SUPT3H: variants seen among roughly 807,000 people sequenced by gnomAD.
SUPT3H encodes SPT3 homolog, SAGA and STAGA complex component.
In SUPT3H, 44 loss-of-function variants were observed where a neutral mutation model predicts 44.3. The observed-to-expected ratio is 0.99, with a 90% CI of 0.78 to 1.28. The LOEUF is 1.28. SUPT3H is among the 50% of genes most tolerant of loss of function. The pLI, the probability that SUPT3H is intolerant of heterozygous loss-of-function variation, is 0.00. For synonymous variants in SUPT3H, 124 were observed against 125.6 expected (o/e 0.99, Z 0.09); for missense variants, 380 against 387.1 (o/e 0.98, Z 0.15).
intron 2 of SUPT3H, among the ~76,000 whole-genome samples, chr6:45,154,044 T>C (rs1312172031): frequency 1.7e-5 from 2 of 116,092 alleles, no homozygotes; most frequent in African/African-American, 6.4e-5. Context: ...CACTACAGCC[T>C]GGGCAACAGA....
At chr6:44,856,636 C>T (rs1218206622) in intron 10 of SUPT3H, among the ~76,000 whole-genome samples, 1 of 152,174 alleles carries the variant, frequency 6.6e-6, no homozygotes, top group Non-Finnish European at 1.5e-5. Context: ...TTCAAATACT[C>T]ACATAGCAAT....
At chr6:44,915,599 G>A (rs1268465982) in intron 10 of SUPT3H, among the ~76,000 whole-genome samples, 1 of 152,096 alleles carries the variant, frequency 6.6e-6, no homozygotes, top group Non-Finnish European at 1.5e-5. Flanking sequence ...CAGACCTTAA[G>A]TCTGATAAGA....
At chr6:45,370,114 A>C (rs1795804471) in intron 1 of SUPT3H, among the ~76,000 whole-genome samples, 1 of 152,252 alleles carries the variant, frequency 6.6e-6, no homozygotes, top group Non-Finnish European at 1.5e-5. Context: ...AGCTGGGAGA[A>C]TATACTATAT....
chr6:45,071,556 G>A (rs1794387813), intron 3 of SUPT3H, among the ~76,000 whole-genome samples: 1 of 152,178 alleles, frequency 6.6e-6, no homozygotes, highest in Non-Finnish European at 1.5e-5. Flanking sequence ...GATATTATAT[G>A]TTCACATGTC....
chr6:45,113,000 A>G (rs1379330602), intron 2 of SUPT3H, among the ~76,000 whole-genome samples: 2 of 131,492 alleles, frequency 1.5e-5, no homozygotes, highest in East Asian at 2.3e-4. Flanking sequence ...GTTTTTTTGG[A>G]TGTTTTCCTA....
chr6:45,154,589 T>C (rs1209317296), intron 2 of SUPT3H, among the ~76,000 whole-genome samples: 3 of 152,194 alleles, frequency 2.0e-5, no homozygotes, highest in Non-Finnish European at 4.4e-5. Context: ...ACAACTTTTG[T>C]TCACAGTGAA....
chr6:45,062,472 T>G (rs1792276075), intron 3 of SUPT3H, among the ~76,000 whole-genome samples: 1 of 152,060 alleles, frequency 6.6e-6, no homozygotes, highest in African/African-American at 2.4e-5. Context: ...GATGGCCGAA[T>G]AGGAACAGCT....
At chr6:44,884,911 C>G (rs1778887651) in intron 10 of SUPT3H, among the ~76,000 whole-genome samples, 1 of 152,150 alleles carries the variant, frequency 6.6e-6, no homozygotes, top group Admixed American at 6.5e-5. Context: ...CACTCCCACC[C>G]TAATACTGCG....
chr6:45,323,510 A>G (rs1478070779), intron 2 of SUPT3H, among the ~76,000 whole-genome samples: 2 of 152,050 alleles, frequency 1.3e-5, no homozygotes, highest in Non-Finnish European at 2.9e-5. Context: ...AGCAAGAAAA[A>G]CAATTACTTG....
At chr6:44,963,517 C>A (rs1399581922) in intron 6 of SUPT3H, among the ~76,000 whole-genome samples, 1 of 152,072 alleles carries the variant, frequency 6.6e-6, no homozygotes, top group African/African-American at 2.4e-5. Flanking sequence ...AACAACCACA[C>A]AACCACGTCT....
chr6:45,335,855 G>A (rs1290351169), intron 2 of SUPT3H, among the ~76,000 whole-genome samples: 1 of 151,252 alleles, frequency 6.6e-6, no homozygotes, highest in Non-Finnish European at 1.5e-5. Flanking sequence ...AATCTGTAAA[G>A]CATTTCGGTA....
At chr6:45,002,992 C>T (rs1194840089) in intron 6 of SUPT3H, among the ~76,000 whole-genome samples, 2 of 152,018 alleles carry the variant, frequency 1.3e-5, no homozygotes, top group Non-Finnish European at 2.9e-5. Flanking sequence ...AAAATACTGT[C>T]TTGTAATTTG....
At chr6:45,348,639 C>T (rs1162707193) in intron 2 of SUPT3H, among the ~76,000 whole-genome samples, 1 of 146,186 alleles carries the variant, frequency 6.8e-6, no homozygotes, top group Non-Finnish European at 1.5e-5. Context: ...CCCACCACTG[C>T]ACTCCAGCCT....
At chr6:45,162,120 A>C (rs1187131197) in intron 2 of SUPT3H, among the ~76,000 whole-genome samples, 1 of 152,140 alleles carries the variant, frequency 6.6e-6, no homozygotes, top group African/African-American at 2.4e-5. Flanking sequence ...ACATTCCCCA[A>C]CCTGACAGGC....
intron 2 of SUPT3H, among the ~76,000 whole-genome samples, chr6:45,342,923 C>G (rs1002141758): frequency 6.6e-6 from 1 of 152,064 alleles, no homozygotes. Flanking sequence ...ACAAGGACAG[C>G]AGGGGTTTTG....
intron 2 of SUPT3H, among the ~76,000 whole-genome samples, chr6:45,228,493 C>T (rs527272525): frequency 1.3e-5 from 2 of 151,990 alleles, no homozygotes; most frequent in South Asian, 4.1e-4. Flanking sequence ...TTCTAGCCTT[C>T]AGATTCAAAT....
At chr6:44,949,858 T>C (rs1774007573) in intron 9 of SUPT3H, among the ~76,000 whole-genome samples, 1 of 152,238 alleles carries the variant, frequency 6.6e-6, no homozygotes, top group African/African-American at 2.4e-5. Flanking sequence ...TGGTACAACC[T>C]GTTTGGAAAA....
At chr6:45,060,543 C>A (rs1395699194) in intron 3 of SUPT3H, among the ~76,000 whole-genome samples, 1 of 151,874 alleles carries the variant, frequency 6.6e-6, no homozygotes, top group Non-Finnish European at 1.5e-5. Flanking sequence ...GCAAAGATTT[C>A]ATGACAAAAC....
At chr6:44,926,722 CA>C (rs1300326811) in intron 10 of SUPT3H, among the ~76,000 whole-genome samples, 1 of 152,100 alleles carries the variant, frequency 6.6e-6, no homozygotes, top group Admixed American at 6.5e-5. Flanking sequence ...TATAAATTAA[CA>C]ATAGTTTCTA....
Sources: allele counts gnomAD v4.1 joint callset (sites outside exome capture counted in the v4.1 genomes callset), GRCh38; gene constraint gnomAD v4.1.1; transcripts MANE v1.5; gene names NCBI Gene and HGNC (gene_info 2026-07-23, HGNC 2026-07-21).